NEB: variants seen among roughly 807,000 people sequenced by gnomAD.
NEB encodes nemaline myopathy type 2.
In NEB, 512 loss-of-function variants were observed where a neutral mutation model predicts 952.2. The ratio of observed to expected loss-of-function variants is 0.54; its 90% CI spans 0.50 to 0.58. The LOEUF (loss-of-function observed/expected upper bound fraction) is 0.58, where lower values mean the gene tolerates loss of function less well. NEB is among the 20% of genes least tolerant of loss of function. NEB has a pLI of 0.00. For missense variants in NEB, 8,428 were observed against 9,231.1 expected, an observed-to-expected ratio of 0.91 and a Z score of 3.56; for synonymous variants, 2,900 against 3,149.8, an observed-to-expected ratio of 0.92 and a Z score of 2.66.
At chr2:151,662,086 C>T (rs770170453) in intron 46 of NEB, 49 bp downstream of exon 46, 1 of 1,484,208 alleles carries the variant, frequency 6.7e-7, no homozygotes, top group Non-Finnish European at 9.2e-7. Context: ...TAAATTATAC[C>T]TGGATTCTCT....
At chr2:151,537,086 G>T in intron 141 of NEB, 46 bp downstream of exon 141, 7 of 1,175,078 alleles carry the variant, frequency 6.0e-6, no homozygotes, top group Non-Finnish European at 8.9e-6. Context: ...TCTGGGTACA[G>T]GTATATGTCG....
chr2:151,497,560 A>G (rs2061067644), intron 171 of NEB, 66 bp downstream of exon 171: 1 of 1,531,972 alleles, frequency 6.5e-7, no homozygotes, highest in Non-Finnish European at 8.8e-7. Context: ...AATACGTATT[A>G]TTTTAAATCA....
At chr2:151,519,335 G>C (rs965106960) in intron 154 of NEB, among the ~76,000 whole-genome samples, 31 of 152,164 alleles carry the variant, frequency 2.0e-4, no homozygotes, top group Non-Finnish European at 1.5e-5. Context: ...AACATGGATG[G>C]ACCTTGAACA....
chr2:151,517,969 G>T (rs2078960641), intron 156 of NEB, among the ~76,000 whole-genome samples: 1 of 152,082 alleles, frequency 6.6e-6, no homozygotes, highest in African/African-American at 2.4e-5. Context: ...TCACTTCTCT[G>T]TTTGAAATCT....
intron 105 of NEB, among the ~76,000 whole-genome samples, chr2:151,576,808 T>A (rs953372337): frequency 4.6e-5 from 7 of 152,012 alleles, no homozygotes; most frequent in African/African-American, 1.7e-4. Context: ...ATGCTGGGAT[T>A]ACAGGCATGA....
chr2:151,692,042 ATTG>A lies in NEB; in HGVS notation c.2106+14_2106+16del. On this transcript the variant is annotated intron_variant, in intron 22 of 181. Coordinates refer to ENST00000397345, the MANE Select transcript of NEB (RefSeq NM_001164508.2). Reference sequence around the variant, plus strand: ...ACAATGTCACTGTGAGGCATGAACCATTGTCTTCAAACTTACATCACTGTTTTG... The same window carrying A: ...ACAATGTCACTGTGAGGCATGAACCATCTTCAAACTTACATCACTGTTTTG... 6.2e-7 allele frequency: 1 copy of A among 1,611,900 alleles called. No homozygotes were observed. Among genetic ancestry groups the A allele is most frequent in the South Asian group, 1.1e-5 (1 of 91,014 alleles).
Position 151,680,730 on chromosome 2 carries a change from A to G in NEB, c.3042T>C (p.Asp1014=). The change falls in exon 30 of 182, where the codon GAT becomes GAC. Residue 1014 remains aspartate (D), a splice_region_variant and synonymous_variant. Transcript: ENST00000397345. ...QSKINQAQRS[D]IAYKAKGEEI... ...ACATATAGATAGCATTAACACTTAC[A>G]TCACTCCTCTGGGCCTGGTTAATTT... 1 of 1,575,718 alleles carries G rather than the reference A, an allele frequency of 6.3e-7. No individual in the cohort carries two copies. Among genetic ancestry groups the G allele is most frequent in the South Asian group, 1.1e-5 (1 of 89,102 alleles).
intron 63 of NEB, among the ~76,000 whole-genome samples, chr2:151,637,426 G>T (rs74630432): frequency 0.028 from 4,291 of 152,306 alleles, 123 homozygotes; most frequent in Non-Finnish European, 0.04. Flanking sequence ...ATAGCCCAGA[G>T]TTGGACTGTG....
chr2:151,613,882 T>C (rs1057350682), intron 77 of NEB, among the ~76,000 whole-genome samples: 1 of 152,204 alleles, frequency 6.6e-6, no homozygotes, highest in Non-Finnish European at 1.5e-5. Flanking sequence ...CCCATGGAAA[T>C]GTAAGTCAAT....
intron 165 of NEB, 142 bp downstream of exon 165, chr2:151,505,336 A>G: frequency 1.4e-6 from 1 of 710,068 alleles, no homozygotes; most frequent in Non-Finnish European, 2.4e-6. Flanking sequence ...ACCTGTAGTG[A>G]CCCCATCAAG....
At chr2:151,634,946 C>T (rs910068434) in intron 64 of NEB, among the ~76,000 whole-genome samples, 3 of 152,048 alleles carry the variant, frequency 2.0e-5, no homozygotes, top group African/African-American at 7.3e-5. Flanking sequence ...GCCAGTTATC[C>T]AAAATACATG....
intron 49 of NEB, 28 bp downstream of exon 49, chr2:151,656,125 C>T (rs2099083528): frequency 6.4e-7 from 1 of 1,574,582 alleles, no homozygotes; most frequent in Non-Finnish European, 8.6e-7. Context: ...AGGATTCCAA[C>T]CATCACCCAA....
intron 74 of NEB, among the ~76,000 whole-genome samples, chr2:151,617,912 T>G (rs2098258408): frequency 6.6e-6 from 1 of 152,042 alleles, no homozygotes; most frequent in Non-Finnish European, 1.5e-5. Flanking sequence ...ATACAAAAAT[T>G]TGCTGGGTGT....
At position 151,531,819 on chromosome 2, in the gene NEB, A is replaced by T. The variant is rs1212491358; in HGVS notation, c.21495T>A (p.Thr7165=). The T allele has an allele frequency of 1.9e-6, 3 of 1,612,826 alleles. No individual in the cohort carries two copies. The highest frequency in any genetic ancestry group is 1.3e-5 in the African/African-American group (1 of 75,040). The change falls in exon 144 of 182, where the codon ACT becomes ACA. Residue 7165 remains threonine (T), a synonymous_variant. Coordinates refer to ENST00000397345, the MANE Select transcript of NEB (RefSeq NM_001164508.2). ...CGCTGATTTGTTTGTTGACTTTTGT[A>T]GTACGCAGGTGTTCTGGAGTATCCA... ...SIVDTPEHLR[T]TKVNKQISDI... is the part of the protein sequence containing the mutation.
intron 13 of NEB, among the ~76,000 whole-genome samples, chr2:151,698,144 G>C (rs990112282): frequency 6.6e-6 from 1 of 152,136 alleles, no homozygotes; most frequent in African/African-American, 2.4e-5. Context: ...TGAATTATAA[G>C]ACTGTTCTGT....
At chr2:151,506,296 A>G (rs1245034019) in intron 163 of NEB, 38 bp from the exon 164 acceptor site, 2 of 1,477,978 alleles carry the variant, frequency 1.4e-6, no homozygotes, top group Non-Finnish European at 1.9e-6. Context: ...AACACAGAAG[A>G]AAAGAAAACC....
Position 151,505,505 on chromosome 2 carries a change from C to G in NEB, c.23715G>C (p.Val7905=). Residue 7905 remains valine, a synonymous_variant, in exon 165 of 182, where the codon GTG becomes GTC. Coordinates refer to ENST00000397345, the MANE Select transcript of NEB (RefSeq NM_001164508.2). ...PIPDLPEVKR[V]KETQKHISSV... is the part of the protein sequence containing the mutation. ...AGCTAATGTGCTTCTGCGTCTCCTT[C>G]ACACGTTTCACTTCAGGCAGGTCAG... 3 of 1,613,840 alleles carry G rather than the reference C, an allele frequency of 1.9e-6. No homozygotes were observed. Among genetic ancestry groups the G allele is most frequent in the East Asian group, 2.2e-5 (1 of 44,886 alleles).
At chr2:151,633,632 C>T in intron 65 of NEB, 22 bp downstream of exon 65, 4 of 1,593,420 alleles carry the variant, frequency 2.5e-6, no homozygotes, top group Non-Finnish European at 3.4e-6. Context: ...TGCACAGCTC[C>T]ATTTATAGAT....
chr2:151,554,915 G>C lies in NEB; in HGVS notation c.19428+16C>G. ...GAATGTATCCTAGTCATTAAGGGGC[G>C]CATGACCGTACTTACATCGATGTTA... On this transcript the variant is annotated intron_variant, in intron 125 of 181. Coordinates refer to ENST00000397345, the MANE Select transcript of NEB (RefSeq NM_001164508.2). 6.5e-7 allele frequency: 1 copy of C among 1,538,524 alleles called. No individual in the cohort carries two copies. The highest frequency in any genetic ancestry group is 9.0e-7 in the Non-Finnish European group (1 of 1,111,128).
Sources: allele counts gnomAD v4.1 joint callset (sites outside exome capture counted in the v4.1 genomes callset), GRCh38; gene constraint gnomAD v4.1.1; transcripts MANE v1.5; gene names NCBI Gene and HGNC (gene_info 2026-07-23, HGNC 2026-07-21).